CTNNA3: variants seen among roughly 807,000 people sequenced by gnomAD.
CTNNA3 encodes the protein catenin alpha 3.
CTNNA3 carries 76 observed loss-of-function variants against 95.7 expected under a neutral mutation model. That is an observed-to-expected ratio of 0.79 (90% CI 0.66 to 0.96). The LOEUF (loss-of-function observed/expected upper bound fraction) is 0.96. CTNNA3 is among the 40% of genes least tolerant of loss of function. The pLI, the probability that CTNNA3 is intolerant of heterozygous loss-of-function variation, is 0.00. For synonymous variants in CTNNA3, 431 were observed against 374.4 expected, an observed-to-expected ratio of 1.15 and a Z score of -1.74; for missense variants, 1,191 against 1,089.8, an observed-to-expected ratio of 1.09 and a Z score of -1.31.
intron 13 of CTNNA3, among the ~76,000 whole-genome samples, chr10:66,195,778 G>A (rs1169826373): frequency 1.3e-5 from 2 of 152,234 alleles, no homozygotes; most frequent in African/African-American, 2.4e-5. Context: ...GTTGCCTTGG[G>A]CACAAGTTCT....
chr10:67,230,085 T>C (rs1865116045), intron 5 of CTNNA3, among the ~76,000 whole-genome samples: 1 of 152,076 alleles, frequency 6.6e-6, no homozygotes, highest in African/African-American at 2.4e-5. Context: ...TATAAGGCCA[T>C]AGACATGAAA....
chr10:67,342,204 C>T (rs1780504800), intron 5 of CTNNA3, among the ~76,000 whole-genome samples: 2 of 145,272 alleles, frequency 1.4e-5, no homozygotes, highest in South Asian at 2.2e-4. Flanking sequence ...CGGGTTCATG[C>T]CATTCTCCTG....
chr10:66,911,837 C>T (rs1482565464), intron 7 of CTNNA3, among the ~76,000 whole-genome samples: 6 of 152,094 alleles, frequency 3.9e-5, no homozygotes, highest in Admixed American at 6.5e-5. Flanking sequence ...CCTCTCAAGT[C>T]GTTTAGAACT....
intron 10 of CTNNA3, among the ~76,000 whole-genome samples, chr10:66,543,717 C>T (rs911208818): frequency 6.6e-6 from 1 of 151,440 alleles, no homozygotes; most frequent in Non-Finnish European, 1.5e-5. Flanking sequence ...ATTAGAACCT[C>T]TGTTCATCTC....
intron 8 of CTNNA3, among the ~76,000 whole-genome samples, chr10:66,772,322 G>A (rs1230374492): frequency 1.3e-5 from 2 of 151,874 alleles, no homozygotes; most frequent in Non-Finnish European, 2.9e-5. Flanking sequence ...CTACTTAGGA[G>A]GCTGAGGCAG....
In CTNNA3 at chr10:65,955,125, A is replaced by C. The variant is rs995190040; in HGVS notation, c.2400+11487T>G. ...CACATCCCTTGTAAGTTGGACTTCT[A>C]GGTATTTTATTCTCTTTGAAGCAAT... On this transcript the variant is annotated intron_variant, in intron 17 of 17. Transcript: ENST00000433211. Among the ~76,000 whole-genome samples the C allele has an allele frequency of 5.3e-5, 8 of 152,234 alleles. No homozygotes were observed. In the Middle Eastern group the frequency reaches 0.01, roughly 194 times the overall value.
Position 67,212,440 on chromosome 10 carries a change from T to G in CTNNA3, c.843+7167A>C, listed in dbSNP as rs1864176611. 3.3e-5 allele frequency among the ~76,000 whole-genome samples: 5 copies of G among 152,016 alleles called. No individual in the cohort carries two copies. The South Asian group carries it at 1.0e-3, about 31-fold the overall frequency. The stretch of plus-strand genomic sequence containing the variant: ...AATGCTGTATGAATTCTTATACGGC[T>G]TGCTCTTTTATGGTAAAGCTTTTTG... On this transcript the variant is annotated intron_variant, in intron 6 of 17. Transcript: ENST00000433211.
Position 67,078,285 on chromosome 10 carries a change from ACCACTATAGTG to A in CTNNA3, c.1047+102021_1047+102031del, listed in dbSNP as rs1856838806. Among the ~76,000 whole-genome samples the A allele has an allele frequency of 2.6e-5, 4 of 152,328 alleles. No homozygotes were observed. In the South Asian group the frequency reaches 8.3e-4, roughly 32 times the overall value. On this transcript the variant is annotated intron_variant, in intron 7 of 17. Transcript: ENST00000433211. ...ACTTAATGTGTACTTCCAAGACTGTACCACTATAGTGCCTACTAACTGGCCAAGGTACAGTG... is the reference window on the plus strand; with the variant it reads ...ACTTAATGTGTACTTCCAAGACTGTACCTACTAACTGGCCAAGGTACAGTG...
intron 13 of CTNNA3, among the ~76,000 whole-genome samples, chr10:66,174,173 G>A (rs956740657): frequency 3.9e-5 from 6 of 152,062 alleles, no homozygotes; most frequent in South Asian, 2.1e-4. Flanking sequence ...AGAAAAAGGC[G>A]GATTGGAATT....
chr10:66,069,629 A>T (rs1452049568), intron 14 of CTNNA3, 140 bp from the exon 15 acceptor site: 6 of 572,354 alleles, frequency 1.0e-5, no homozygotes, highest in East Asian at 6.3e-5. Flanking sequence ...TTCAATTAAA[A>T]CTTTCCAGGC....
intron 7 of CTNNA3, among the ~76,000 whole-genome samples, chr10:66,864,981 G>A (rs1844107350): frequency 6.6e-6 from 1 of 151,940 alleles, no homozygotes; most frequent in Non-Finnish European, 1.5e-5. Context: ...TTTCTCCTCA[G>A]CAGTTAGAGT....
chr10:67,421,183 G>A (rs1282003320), intron 5 of CTNNA3, among the ~76,000 whole-genome samples: 2 of 152,088 alleles, frequency 1.3e-5, no homozygotes, highest in Non-Finnish European at 2.9e-5. Flanking sequence ...CAAAGACATG[G>A]TCTTTCACTA....
intron 5 of CTNNA3, among the ~76,000 whole-genome samples, chr10:67,438,337 AC>A (rs1846376609): frequency 6.6e-6 from 1 of 152,166 alleles, no homozygotes; most frequent in African/African-American, 2.4e-5. Flanking sequence ...ATCTCTCAGG[AC>A]AGTATCTGAC....
At position 67,474,977 on chromosome 10, in the gene CTNNA3, T is replaced by C. The variant is rs146992080; in HGVS notation, c.579+46865A>G. On this transcript the variant is annotated intron_variant, in intron 5 of 17. Coordinates refer to ENST00000433211, the MANE Select transcript of CTNNA3 (RefSeq NM_013266.4). ...ATTCATGTAAAAATCAGAGCATGAT[T>C]ATTTATGGCAGCTTTTTTCATCATA... 6.6e-4 allele frequency among the ~76,000 whole-genome samples: 100 copies of C among 152,318 alleles called. 1 individual carries two copies. Among genetic ancestry groups the C allele is most frequent in the African/African-American group, 2.3e-3 (97 of 41,568 alleles).
chr10:67,391,080 A>G (rs950912544), intron 5 of CTNNA3, among the ~76,000 whole-genome samples: 80 of 150,692 alleles, frequency 5.3e-4, no homozygotes, highest in Non-Finnish European at 8.8e-4. Flanking sequence ...AGAAGGAAAT[A>G]AAGGGTATTC....
At chr10:67,185,115 A>AT (rs1702331233) in intron 6 of CTNNA3, among the ~76,000 whole-genome samples, 1 of 151,252 alleles carries the variant, frequency 6.6e-6, no homozygotes, top group African/African-American at 2.4e-5. Context: ...TTTTCTTCCT[A>AT]TTTTTCTTTT....
intron 10 of CTNNA3, among the ~76,000 whole-genome samples, chr10:66,586,873 C>A (rs1843377188): frequency 6.6e-6 from 1 of 152,054 alleles, no homozygotes; most frequent in African/African-American, 2.4e-5. Flanking sequence ...ATGGGATGCT[C>A]CCTTAATGTG....
intron 9 of CTNNA3, among the ~76,000 whole-genome samples, chr10:66,714,953 C>T (rs1383758752): frequency 6.6e-6 from 1 of 152,066 alleles, no homozygotes; most frequent in Non-Finnish European, 1.5e-5. Flanking sequence ...TTTCCACTTC[C>T]TCCTTCCCAC....
chr10:66,084,424 T>C (rs915075631), intron 14 of CTNNA3, among the ~76,000 whole-genome samples: 3 of 152,076 alleles, frequency 2.0e-5, no homozygotes, highest in Admixed American at 1.3e-4. Flanking sequence ...TCCATTACAG[T>C]GGTATTAGTT....
Sources: allele counts gnomAD v4.1 joint callset (sites outside exome capture counted in the v4.1 genomes callset), GRCh38; gene constraint gnomAD v4.1.1; transcripts MANE v1.5; gene names NCBI Gene and HGNC (gene_info 2026-07-23, HGNC 2026-07-21).